Variants in KIAA1217 observed in about 807,000 individuals in gnomAD.
The protein encoded by KIAA1217 is KIAA1217.
Under a neutral mutation model 163.9 loss-of-function variants are expected in KIAA1217, and 88 were observed. The observed-to-expected ratio is 0.54, with a 90% confidence interval of 0.45 to 0.64. KIAA1217 has a LOEUF of 0.64. Ranked by LOEUF, KIAA1217 falls within the 30% of genes least tolerant of loss-of-function variation. KIAA1217 has a pLI of 0.00. For synonymous variants in KIAA1217, 903 were observed against 923.1 expected (o/e 0.98, Z 0.39); for missense variants, 2,372 against 2,475.0 (o/e 0.96, Z 0.88).
intron 2 of KIAA1217, chr10:24,239,001 G>T (rs536213453): frequency 4.0e-4 from 80 of 201,532 alleles, no homozygotes; most frequent in African/African-American, 1.8e-3. Flanking sequence ...AATTTCAGAC[G>T]ATTGTTTAAG....
intron 1 of KIAA1217, among the ~76,000 whole-genome samples, chr10:23,954,171 T>G (rs567034617): frequency 6.6e-6 from 1 of 152,316 alleles, no homozygotes; most frequent in South Asian, 2.1e-4. Flanking sequence ...CCATCTGAGC[T>G]TTCTTCTTCT....
chr10:24,435,406 A>G (rs16924760), intron 4 of KIAA1217, among the ~76,000 whole-genome samples: 41,789 of 152,230 alleles, frequency 0.27, 6,254 homozygotes, highest in African/African-American at 0.41. Context: ...ATAATCCCAC[A>G]TACTGTTTTT....
At chr10:23,873,122 G>C (rs1338338255) in intron 1 of KIAA1217, among the ~76,000 whole-genome samples, 1 of 152,022 alleles carries the variant, frequency 6.6e-6, no homozygotes, top group Non-Finnish European at 1.5e-5. Context: ...CAGGAATAGA[G>C]ATCAAATCAA....
rs76154310 is a variant in KIAA1217 at position 24,506,155 on chromosome 10, C to G, written c.2001+4610C>G. On this transcript the variant is annotated intron_variant, in intron 9 of 20. Coordinates refer to ENST00000376454, the MANE Select transcript of KIAA1217 (RefSeq NM_019590.5). ...ATAACATGGGTTATATAGCTGTGAC[C>G]AGGCATCCCTTGTCTTGTTCCCTGA... 3.8e-3 allele frequency among the ~76,000 whole-genome samples: 584 copies of G among 152,284 alleles called. 3 individuals carry two copies. Among genetic ancestry groups the G allele is most frequent in the African/African-American group, 0.013 (557 of 41,564 alleles).
At chr10:24,320,130 T>C (rs1238388953) in intron 2 of KIAA1217, among the ~76,000 whole-genome samples, 3 of 152,240 alleles carry the variant, frequency 2.0e-5, no homozygotes, top group African/African-American at 4.8e-5. Context: ...TATTAAATTT[T>C]TATTTTGAAG....
intron 2 of KIAA1217, among the ~76,000 whole-genome samples, chr10:24,176,137 C>T (rs960505607): frequency 6.6e-6 from 1 of 152,178 alleles, no homozygotes; most frequent in Non-Finnish European, 1.5e-5. Flanking sequence ...TCTGTTTTGA[C>T]AGGGTGTTGA....
At chr10:24,434,470 T>G (rs2059867879) in intron 4 of KIAA1217, among the ~76,000 whole-genome samples, 1 of 152,188 alleles carries the variant, frequency 6.6e-6, no homozygotes, top group African/African-American at 2.4e-5. Flanking sequence ...TCCGAGTAGC[T>G]GGCACTACCG....
intron 1 of KIAA1217, among the ~76,000 whole-genome samples, chr10:23,707,518 T>G (rs1416189842): frequency 1.3e-5 from 2 of 152,152 alleles, no homozygotes; most frequent in African/African-American, 4.8e-5. Context: ...ACTACACTTA[T>G]AAGTGGGAGC....
chr10:23,745,533 G>A (rs10764424), intron 1 of KIAA1217, among the ~76,000 whole-genome samples: 44,348 of 152,080 alleles, frequency 0.29, 7,223 homozygotes, highest in African/African-American at 0.44. Context: ...ATGTTTCCGT[G>A]TGTCCTGCTG....
intron 3 of KIAA1217, among the ~76,000 whole-genome samples, chr10:24,388,221 A>T (rs1332443977): frequency 6.6e-6 from 1 of 152,214 alleles, no homozygotes; most frequent in Admixed American, 6.5e-5. Context: ...AGACCAATGG[A>T]ACAGAACAGA....
intron 1 of KIAA1217, among the ~76,000 whole-genome samples, chr10:23,830,577 T>C (rs1838135244): frequency 1.3e-5 from 2 of 151,730 alleles, no homozygotes; most frequent in South Asian, 2.1e-4. Context: ...CCCTTGCAGG[T>C]ATGTGTGGCA....
chr10:24,337,630 C>A (rs202098131), intron 2 of KIAA1217, among the ~76,000 whole-genome samples: 1 of 57,412 alleles, frequency 1.7e-5, no homozygotes. Context: ...CTTTTCTTTT[C>A]TTTTCTTTTC....
chr10:24,531,811 A>T lies in KIAA1217; in HGVS notation c.3083-19A>T. The T allele has an allele frequency of 6.4e-7, 1 of 1,558,902 alleles. No homozygotes were observed. The highest frequency in any genetic ancestry group is 8.7e-7 in the Non-Finnish European group (1 of 1,147,562). ...TTCTTGAAAAAAGATTATTCTTGTA[A>T]TGGTGCACTGTTTTCCAGAAGATTC... is the stretch of plus-strand genomic sequence containing the variant. On this transcript the variant is annotated intron_variant, in intron 14 of 20. Transcript: ENST00000376454.
intron 6 of KIAA1217, among the ~76,000 whole-genome samples, chr10:24,479,729 C>T (rs1049862421): frequency 4.6e-5 from 7 of 152,138 alleles, no homozygotes; most frequent in African/African-American, 1.7e-4. Flanking sequence ...CTGGCAAGGC[C>T]TTTTGTGCTG....
intron 3 of KIAA1217, among the ~76,000 whole-genome samples, chr10:24,398,571 G>GA (rs2056130636): frequency 6.6e-6 from 1 of 152,100 alleles, no homozygotes; most frequent in Non-Finnish European, 1.5e-5. Context: ...GGAAAGAAAG[G>GA]AAAGTACACT....
At chr10:23,848,139 G>A (rs991852751) in intron 1 of KIAA1217, among the ~76,000 whole-genome samples, 3 of 151,948 alleles carry the variant, frequency 2.0e-5, no homozygotes, top group Non-Finnish European at 4.4e-5. Context: ...CAATTATGTC[G>A]TCAATTTTAG....
At chr10:23,804,158 C>CT (rs1005258163) in intron 1 of KIAA1217, among the ~76,000 whole-genome samples, 2 of 151,710 alleles carry the variant, frequency 1.3e-5, no homozygotes, top group South Asian at 2.1e-4. Flanking sequence ...TCAACCAGCA[C>CT]TTTTTTTTTC....
intron 1 of KIAA1217, among the ~76,000 whole-genome samples, chr10:23,894,902 A>T (rs1236789087): frequency 6.6e-6 from 1 of 152,084 alleles, no homozygotes; most frequent in African/African-American, 2.4e-5. Flanking sequence ...AGGATTTCCT[A>T]TTTAATAAAT....
At chr10:24,264,467 G>A (rs900717719) in intron 2 of KIAA1217, among the ~76,000 whole-genome samples, 18 of 151,900 alleles carry the variant, frequency 1.2e-4, no homozygotes, top group African/African-American at 4.4e-4. Flanking sequence ...AGACTAGTAA[G>A]ACCAGCTTTA....
Sources: gnomAD v4.1 joint callset for allele counts (sites outside exome capture counted in the v4.1 genomes callset) on GRCh38, gnomAD v4.1.1 for gene constraint, MANE v1.5 for transcripts, NCBI Gene and HGNC (gene_info 2026-07-23, HGNC 2026-07-21) for gene names.